Variants in PGM2 observed in about 807,000 individuals in gnomAD.
PGM2 encodes phosphopentomutase.
PGM2 carries 57 observed loss-of-function variants against 74.6 expected under a neutral mutation model. The ratio of observed to expected loss-of-function variants is 0.76; its 90% confidence interval spans 0.62 to 0.95. The LOEUF is 0.95. PGM2 is among the 40% of genes least tolerant of loss of function. PGM2 has a pLI of 0.00. For synonymous variants in PGM2, 273 were observed against 260.7 expected (o/e 1.05, Z -0.46); for missense variants, 706 against 741.9 (o/e 0.95, Z 0.56).
At chr4:37,859,622 C>T (rs891991010) in intron 13 of PGM2, among the ~76,000 whole-genome samples, 5 of 152,144 alleles carry the variant, frequency 3.3e-5, no homozygotes, top group Non-Finnish European at 5.9e-5. Context: ...TACAGGATAC[C>T]TTCACAGCAT....
At chr4:37,848,362 G>A (rs186610151) in intron 10 of PGM2, among the ~76,000 whole-genome samples, 160 bp from the exon 11 acceptor site, 6 of 152,350 alleles carry the variant, frequency 3.9e-5, no homozygotes, top group African/African-American at 1.4e-4. Context: ...GGCCTGCTAT[G>A]GGCTAGGCAC....
At position 37,861,879 on chromosome 4, in the gene PGM2, A is replaced by T; in HGVS notation, c.*267A>T. ...TGAAGATTTTTAAACTGACTAACTT[A>T]AAAAAATAGATTGTAATTGATGTGC... On this transcript the variant is annotated 3_prime_UTR_variant, in exon 14 of 14. Transcript: ENST00000381967. The T allele has an allele frequency of 3.1e-6, 1 of 323,692 alleles. No individual in the cohort carries two copies. The highest frequency in any genetic ancestry group is 5.3e-5 in the East Asian group (1 of 18,830). 20.1% of individuals were successfully genotyped at this position (323,692 alleles called of 1,614,324 possible).
At chr4:37,830,244 C>G (rs915189901) in intron 2 of PGM2, 113 bp downstream of exon 2, 112 of 705,122 alleles carry the variant, frequency 1.6e-4, no homozygotes, top group Non-Finnish European at 2.2e-4. Flanking sequence ...TGGCTAGACA[C>G]AGGAAGTCAC....
intron 8 of PGM2, among the ~76,000 whole-genome samples, chr4:37,846,007 A>G (rs1725860422): frequency 6.6e-6 from 1 of 152,180 alleles, no homozygotes; most frequent in Non-Finnish European, 1.5e-5. Flanking sequence ...TCATTTTGTA[A>G]TTGATCTTTT....
intron 1 of PGM2, among the ~76,000 whole-genome samples, chr4:37,828,083 A>C (rs560773385): frequency 2.6e-5 from 4 of 152,122 alleles, no homozygotes; most frequent in Non-Finnish European, 5.9e-5. Context: ...CTACAAATAA[A>C]ATGTCAGCAA....
chr4:37,829,295 T>C (rs529797509), intron 1 of PGM2, among the ~76,000 whole-genome samples: 1 of 152,244 alleles, frequency 6.6e-6, no homozygotes, highest in Admixed American at 6.5e-5. Flanking sequence ...TCTTGCAATT[T>C]AAGCAAGTCA....
At chr4:37,829,260 A>G (rs1426219872) in intron 1 of PGM2, among the ~76,000 whole-genome samples, 1 of 152,212 alleles carries the variant, frequency 6.6e-6, no homozygotes, top group Non-Finnish European at 1.5e-5. Context: ...TTAATGTTAT[A>G]GAAAAGGCAC....
At chr4:37,832,752 A>G (rs1461042017) in intron 2 of PGM2, among the ~76,000 whole-genome samples, 46 of 152,188 alleles carry the variant, frequency 3.0e-4, no homozygotes, top group Admixed American at 3.0e-3. Context: ...AGATGGTTTC[A>G]TTATTTTAAG....
chr4:37,843,243 C>G (rs1445613474), intron 6 of PGM2, among the ~76,000 whole-genome samples: 1 of 152,190 alleles, frequency 6.6e-6, no homozygotes, highest in African/African-American at 2.4e-5. Flanking sequence ...TAGTACCAAG[C>G]TGTTTTAATT....
chr4:37,858,825 T>G (rs1348210464), intron 13 of PGM2, among the ~76,000 whole-genome samples: 3 of 152,190 alleles, frequency 2.0e-5, no homozygotes, highest in Admixed American at 1.3e-4. Context: ...TCAGGGGAGA[T>G]GTCCTTAGTT....
At chr4:37,832,273 T>G (rs1162061050) in intron 2 of PGM2, among the ~76,000 whole-genome samples, 1 of 152,206 alleles carries the variant, frequency 6.6e-6, no homozygotes, top group East Asian at 1.9e-4. Context: ...ATCTTTAAAA[T>G]CTTAGGAGTG....
chr4:37,855,535 C>A, intron 12 of PGM2, 73 bp from the exon 13 acceptor site: 2 of 1,322,626 alleles, frequency 1.5e-6, no homozygotes, highest in Non-Finnish European at 2.1e-6. Context: ...TATTTTCTTA[C>A]TTATGCAAGA....
intron 12 of PGM2, 69 bp from the exon 13 acceptor site, chr4:37,855,539 T>C (rs192200983): frequency 1.5e-6 from 2 of 1,362,184 alleles, no homozygotes; most frequent in Non-Finnish European, 2.0e-6. Context: ...TTCTTACTTA[T>C]GCAAGAGAAG....
chr4:37,855,867 C>A, intron 13 of PGM2, 126 bp downstream of exon 13: 1 of 762,862 alleles, frequency 1.3e-6, no homozygotes, highest in Non-Finnish European at 2.0e-6. Flanking sequence ...TGTTTCAGAA[C>A]CTGCACTAAT....
Position 37,862,861 on chromosome 4 carries a change from G to A in PGM2, c.*1249G>A, listed in dbSNP as rs1225739910. The A allele has an allele frequency of 1.3e-5, 2 of 151,956 alleles. No homozygotes were observed. Among genetic ancestry groups the A allele is most frequent in the African/African-American group, 4.8e-5 (2 of 41,394 alleles). 9.4% of individuals were successfully genotyped at this position (151,956 alleles called of 1,614,324 possible). A position where few individuals can be genotyped will look rare whatever the true frequency, so the allele number is the denominator to read the frequency against. On this transcript the variant is annotated 3_prime_UTR_variant, in exon 14 of 14. Coordinates refer to ENST00000381967, the MANE Select transcript of PGM2 (RefSeq NM_018290.4). ...ATATTCTACAAACTGCTTTATTGTAGAAGCCATATTTATGTTTATTTTATA... is the reference window on the plus strand; with the variant it reads ...ATATTCTACAAACTGCTTTATTGTAAAAGCCATATTTATGTTTATTTTATA...
intron 12 of PGM2, among the ~76,000 whole-genome samples, chr4:37,851,970 C>CTTTCTTTTTT (rs374297092): frequency 7.4e-6 from 1 of 135,002 alleles, no homozygotes; most frequent in African/African-American, 2.7e-5. Context: ...TGTTTGTTTT[C>CTTTCTTTTTT]TTTTTTTTTG....
intron 8 of PGM2, among the ~76,000 whole-genome samples, chr4:37,846,378 G>C (rs535377943): frequency 6.6e-6 from 1 of 152,202 alleles, no homozygotes; most frequent in Non-Finnish European, 1.5e-5. Flanking sequence ...TCAGTGTTGA[G>C]AAAGTTAAGC....
chr4:37,857,030 A>G (rs1458441890), intron 13 of PGM2, among the ~76,000 whole-genome samples: 3 of 152,040 alleles, frequency 2.0e-5, no homozygotes, highest in African/African-American at 7.2e-5. Context: ...CTCCATTTTT[A>G]TCAGAAATAC....
chr4:37,847,298 A>G lies in PGM2; in HGVS notation c.1282+3A>G. On this transcript the variant is annotated splice_donor_region_variant and intron_variant, in intron 10 of 13. Transcript: ENST00000381967. ...ATTTGCATTTGAAGAAGCTATTGGT[A>G]AGAAGTGATCATGAACATTAAGGAA... The G allele has an allele frequency of 6.3e-7, 1 of 1,597,156 alleles. No homozygotes were observed. Among genetic ancestry groups the G allele is most frequent in the Non-Finnish European group, 8.6e-7 (1 of 1,164,680 alleles).
Sources: gnomAD v4.1 joint callset for allele counts (sites outside exome capture counted in the v4.1 genomes callset) on GRCh38, gnomAD v4.1.1 for gene constraint, MANE v1.5 for transcripts, NCBI Gene and HGNC (gene_info 2026-07-23, HGNC 2026-07-21) for gene names.